OPHN1: variants seen among roughly 807,000 people sequenced by gnomAD.
OPHN1 encodes the protein oligophrenin-1.
Under a neutral mutation model 60.7 loss-of-function variants are expected in OPHN1, and 11 were observed. The ratio of observed to expected loss-of-function variants is 0.18; its 90% CI spans 0.11 to 0.30. The LOEUF (loss-of-function observed/expected upper bound fraction) is 0.30, where lower values mean the gene tolerates loss of function less well. Ranked by LOEUF, OPHN1 falls within the 10% of genes least tolerant of loss-of-function variation. The pLI, the probability that OPHN1 is intolerant of heterozygous loss-of-function variation, is 1.00. For synonymous variants in OPHN1, 226 were observed against 222.6 expected, an observed-to-expected ratio of 1.02 and a Z score of -0.14; for missense variants, 449 against 611.0, an observed-to-expected ratio of 0.73 and a Z score of 2.80.
At chrX:68,246,627 T>C (rs746381424) in intron 5 of OPHN1, among the ~76,000 whole-genome samples, 37 of 111,816 alleles carry the variant, frequency 3.3e-4, no homozygotes, top group Non-Finnish European at 4.1e-4. Flanking sequence ...TCAAGGACGG[T>C]ATCTTATTCA....
chrX:68,222,110 T>C (rs1234669290), intron 6 of OPHN1, among the ~76,000 whole-genome samples: 4 of 107,842 alleles, frequency 3.7e-5, no homozygotes, highest in Non-Finnish European at 7.6e-5. Flanking sequence ...CATCAAAAAG[T>C]GGGCGAAGGA....
intron 2 of OPHN1, among the ~76,000 whole-genome samples, chrX:68,391,836 C>G (rs1339573819): frequency 9.0e-6 from 1 of 111,208 alleles, no homozygotes; most frequent in African/African-American, 3.3e-5. Flanking sequence ...AGCCAAGGAT[C>G]GCAGACAGCC....
chrX:68,221,009 A>G (rs2147500714), intron 6 of OPHN1, among the ~76,000 whole-genome samples: 1 of 103,798 alleles, frequency 9.6e-6, no homozygotes, highest in South Asian at 4.9e-4. Flanking sequence ...TTTGCAGACG[A>G]CATGATTGTA....
At chrX:68,214,900 G>A (rs1349022281) in intron 6 of OPHN1, among the ~76,000 whole-genome samples, 1 of 111,634 alleles carries the variant, frequency 9.0e-6, no homozygotes, top group Non-Finnish European at 1.9e-5. Context: ...CAGAAGCTGA[G>A]GCACGAGGCT....
intron 2 of OPHN1, among the ~76,000 whole-genome samples, chrX:68,377,025 G>A (rs1008627333): frequency 1.9e-5 from 2 of 105,780 alleles, no homozygotes; most frequent in African/African-American, 3.5e-5. Flanking sequence ...CGCCTCCCAG[G>A]TTCAAGCCAT....
chrX:68,376,046 A>C (rs906992390), intron 2 of OPHN1, among the ~76,000 whole-genome samples: 1 of 111,989 alleles, frequency 8.9e-6, no homozygotes, highest in African/African-American at 3.2e-5. Flanking sequence ...GATTCAGTTC[A>C]TAAAAGATGT....
At chrX:68,381,013 C>T in intron 2 of OPHN1, among the ~76,000 whole-genome samples, 1 of 111,227 alleles carries the variant, frequency 9.0e-6, no homozygotes. Flanking sequence ...TTCCACTGTA[C>T]CACAGCTGCA....
intron 3 of OPHN1, among the ~76,000 whole-genome samples, chrX:68,296,020 C>A (rs754510794): frequency 9.0e-6 from 1 of 111,367 alleles, no homozygotes; most frequent in East Asian, 2.8e-4. Flanking sequence ...GCACACTCTG[C>A]GTTCTCAGCT....
chrX:68,110,253 T>C (rs1237916528), intron 18 of OPHN1, among the ~76,000 whole-genome samples: 1 of 112,090 alleles, frequency 8.9e-6, no homozygotes, highest in Non-Finnish European at 1.9e-5. Flanking sequence ...AGCTTGAGCA[T>C]ATTACCACAT....
At chrX:68,222,687 C>T (rs72627686) in intron 6 of OPHN1, among the ~76,000 whole-genome samples, 18,862 of 102,859 alleles carry the variant, frequency 0.18, 1,585 homozygotes, top group African/African-American at 0.3. Context: ...AACAAAAAAG[C>T]AAACACCTCA....
chrX:68,356,525 G>T (rs1401904364), intron 2 of OPHN1, among the ~76,000 whole-genome samples: 1 of 110,268 alleles, frequency 9.1e-6, no homozygotes, highest in Non-Finnish European at 1.9e-5. Context: ...CGATTCTCCT[G>T]CCTTGGCCTC....
At chrX:68,052,874 C>G (rs780517889) in intron 22 of OPHN1, among the ~76,000 whole-genome samples, 1 of 112,621 alleles carries the variant, frequency 8.9e-6, no homozygotes, top group African/African-American at 3.2e-5. Flanking sequence ...GTCTTGATTT[C>G]AAAGTATAAT....
chrX:68,048,764 C>A (rs940614995), intron 23 of OPHN1, among the ~76,000 whole-genome samples: 1 of 112,067 alleles, frequency 8.9e-6, no homozygotes, highest in Admixed American at 9.4e-5. Flanking sequence ...CTGTGATGAT[C>A]TCTAACAGGG....
intron 21 of OPHN1, among the ~76,000 whole-genome samples, chrX:68,060,460 C>T (rs902485594): frequency 2.7e-5 from 3 of 111,129 alleles, no homozygotes; most frequent in Non-Finnish European, 3.8e-5. Flanking sequence ...AATGATTAGA[C>T]GCAACAGAAG....
intron 3 of OPHN1, among the ~76,000 whole-genome samples, chrX:68,298,771 T>C (rs776880060): frequency 1.8e-5 from 2 of 112,024 alleles, no homozygotes; most frequent in African/African-American, 3.2e-5. Flanking sequence ...ACTGTCTGAG[T>C]CAAAAATCTC....
chrX:68,299,952 G>A (rs2078112461), intron 2 of OPHN1, among the ~76,000 whole-genome samples: 1 of 109,839 alleles, frequency 9.1e-6, no homozygotes, highest in African/African-American at 3.3e-5. Context: ...CGCCTGGGAG[G>A]TGGAAGGAAA....
chrX:68,064,294 G>A, intron 20 of OPHN1, 117 bp from the exon 21 acceptor site: 1 of 695,281 alleles, frequency 1.4e-6, no homozygotes, highest in East Asian at 3.3e-5. Context: ...AAGCAGTTAT[G>A]TCACTGTGGC....
intron 5 of OPHN1, among the ~76,000 whole-genome samples, chrX:68,262,869 C>CAGGACAGGAA (rs1555962861): frequency 8.3e-5 from 9 of 108,141 alleles, no homozygotes; most frequent in Non-Finnish European, 1.1e-4. Context: ...CAGGACAGGA[C>CAGGACAGGAA]AGGAAAGGAA....
intron 5 of OPHN1, among the ~76,000 whole-genome samples, chrX:68,257,103 C>T (rs370591749): frequency 1.6e-4 from 18 of 110,668 alleles, no homozygotes; most frequent in African/African-American, 5.2e-4. Context: ...GACTACAGTA[C>T]GGTGTAAATG....
Sources: gnomAD v4.1 joint callset for allele counts (sites outside exome capture counted in the v4.1 genomes callset) on GRCh38, gnomAD v4.1.1 for gene constraint, MANE v1.5 for transcripts, NCBI Gene and HGNC (gene_info 2026-07-23, HGNC 2026-07-21) for gene names.